The following SCN9A variants were observed in gnomAD, a reference collection of about 807,000 sequenced individuals.
The protein encoded by SCN9A is sodium channel protein type 9 subunit alpha.
In SCN9A, 131 loss-of-function variants were observed where a neutral mutation model predicts 187.0. The ratio of observed to expected loss-of-function variants is 0.70; its 90% confidence interval spans 0.61 to 0.81. The LOEUF (loss-of-function observed/expected upper bound fraction) is 0.81, where lower values mean the gene tolerates loss of function less well. SCN9A is among the 30% of genes least tolerant of loss of function. The probability of loss-of-function intolerance (pLI) is 0.00; values close to 1 mark genes in which losing one functional copy is unlikely to be tolerated. For synonymous variants in SCN9A, 809 were observed against 808.6 expected, an observed-to-expected ratio of 1.00 and a Z score of -0.01; for missense variants, 2,252 against 2,396.6, an observed-to-expected ratio of 0.94 and a Z score of 1.26.
chr2:166,228,682 G>T lies in SCN9A; in HGVS notation c.4206+9C>A. 6.2e-7 allele frequency: 1 copy of T among 1,602,358 alleles called. No individual in the cohort carries two copies. The highest frequency in any genetic ancestry group is 8.5e-7 in the Non-Finnish European group (1 of 1,172,760). On this transcript the variant is annotated intron_variant, in intron 22 of 26. Coordinates refer to ENST00000642356, the MANE Select transcript of SCN9A (RefSeq NM_001365536.1). ...AAAATACCAAGCACTCATGAAATGG[G>T]ACACTTACAACTTGAAGCAGAGATA...
Position 166,204,138 on chromosome 2 carries a change from T to C in SCN9A, c.4591A>G (p.Thr1531Ala). The C allele has an allele frequency of 6.2e-7, 1 of 1,612,656 alleles. No individual in the cohort carries two copies. The highest frequency in any genetic ancestry group is 1.1e-5 in the South Asian group (1 of 91,058). ...IMVLICLNMV[T>A]MMVEKEGQSQ... Reference sequence around the variant, plus strand: ...TGACCCTCCTTTTCTACCATCATGGTTACCATGTTGAGACAGATAAGAACC... The same window carrying C: ...TGACCCTCCTTTTCTACCATCATGGCTACCATGTTGAGACAGATAAGAACC... Residue 1531 changes from threonine (T) to alanine (A), a missense_variant, in exon 26 of 27, where the codon ACC becomes GCC. Thr to Ala is a moderately conservative substitution (Grantham distance 58). Transcript: ENST00000642356.
chr2:166,370,428 C>T (rs1178870006), intron 1 of SCN9A, among the ~76,000 whole-genome samples: 2 of 151,332 alleles, frequency 1.3e-5, no homozygotes, highest in African/African-American at 2.4e-5. Flanking sequence ...CCTGTAGTCC[C>T]AGCTACTCGG....
At chr2:166,232,841 T>C (rs1695145707) in intron 21 of SCN9A, among the ~76,000 whole-genome samples, 1 of 147,710 alleles carries the variant, frequency 6.8e-6, no homozygotes, top group Non-Finnish European at 1.5e-5. Context: ...ATTTTATATA[T>C]AGTCTTTCAT....
At chr2:166,373,813 A>T (rs532429751) in intron 1 of SCN9A, among the ~76,000 whole-genome samples, 64 of 152,312 alleles carry the variant, frequency 4.2e-4, no homozygotes, top group African/African-American at 1.5e-3. Context: ...TTAGAAAAGT[A>T]CCATATAAAT....
intron 5 of SCN9A, among the ~76,000 whole-genome samples, chr2:166,305,002 A>T (rs1039942180): frequency 1.3e-5 from 2 of 152,102 alleles, no homozygotes; most frequent in Admixed American, 6.6e-5. Context: ...CAGGTAGCAG[A>T]TGGAACTGCC....
chr2:166,303,352 G>A (rs145798468), intron 6 of SCN9A, 50 bp from the exon 7 acceptor site: 60 of 1,435,008 alleles, frequency 4.2e-5, no homozygotes, highest in Middle Eastern at 2.1e-4. Flanking sequence ...CCTCTGAATC[G>A]AAACAAAAAA....
intron 1 of SCN9A, among the ~76,000 whole-genome samples, chr2:166,356,095 C>T (rs1344469526): frequency 6.6e-6 from 1 of 152,072 alleles, no homozygotes; most frequent in Non-Finnish European, 1.5e-5. Context: ...CACACAGTCC[C>T]TGGAGTCTTG....
intron 4 of SCN9A, 139 bp from the exon 5 acceptor site, chr2:166,306,059 T>A: frequency 1.2e-6 from 1 of 851,226 alleles, no homozygotes; most frequent in Non-Finnish European, 1.8e-6. Flanking sequence ...CACACCCTAT[T>A]AAACTACAAT....
At chr2:166,332,692 T>G (rs1699534069) in intron 1 of SCN9A, among the ~76,000 whole-genome samples, 1 of 152,106 alleles carries the variant, frequency 6.6e-6, no homozygotes, top group Non-Finnish European at 1.5e-5. Context: ...TTCTGCAATA[T>G]CCACAGTCCA....
chr2:166,295,513 T>C (rs1698260476), intron 7 of SCN9A, among the ~76,000 whole-genome samples: 1 of 152,118 alleles, frequency 6.6e-6, no homozygotes, highest in African/African-American at 2.4e-5. Context: ...GCTACTGTAC[T>C]CAATATTGTA....
chr2:166,228,646 C>G, intron 22 of SCN9A, 45 bp downstream of exon 22: 1 of 1,445,260 alleles, frequency 6.9e-7, no homozygotes, highest in Non-Finnish European at 9.5e-7. Context: ...ATCCTTCGTC[C>G]AATATCTATT....
chr2:166,246,701 A>G lies in SCN9A; in HGVS notation c.3473-4045T>C, dbSNP rs914339625. Among the ~76,000 whole-genome samples the G allele has an allele frequency of 3.5e-4, 53 of 152,260 alleles. 1 individual carries two copies. The highest frequency in any genetic ancestry group is 1.2e-3 in the African/African-American group (50 of 41,576). On this transcript the variant is annotated intron_variant, in intron 18 of 26. Coordinates refer to ENST00000642356, the MANE Select transcript of SCN9A (RefSeq NM_001365536.1). ...GATAAGAAAATTATCCCTTTGGTTA[A>G]GAAGATTTTGCTCTCTGGGATTTAC... is the stretch of plus-strand genomic sequence containing the variant.
intron 1 of SCN9A, among the ~76,000 whole-genome samples, chr2:166,344,068 TAA>T (rs1320613135): frequency 6.6e-6 from 1 of 152,180 alleles, no homozygotes; most frequent in African/African-American, 2.4e-5. Flanking sequence ...GGAGAAATGC[TAA>T]GTCTTTTTAC....
chr2:166,365,732 A>C (rs1700398958), intron 1 of SCN9A, among the ~76,000 whole-genome samples: 1 of 152,172 alleles, frequency 6.6e-6, no homozygotes, highest in Non-Finnish European at 1.5e-5. Context: ...AAAATTTTTC[A>C]GACCACTTTA....
intron 1 of SCN9A, among the ~76,000 whole-genome samples, chr2:166,314,194 A>G (rs1336942897): frequency 2.0e-5 from 3 of 152,236 alleles, no homozygotes. Flanking sequence ...AAGTGAGCAC[A>G]TGCTGTTGAA....
intron 1 of SCN9A, among the ~76,000 whole-genome samples, chr2:166,338,547 C>T (rs1699686900): frequency 1.3e-5 from 2 of 152,000 alleles, no homozygotes; most frequent in African/African-American, 4.8e-5. Flanking sequence ...TAAATATTCC[C>T]TTGTACCCCC....
At chr2:166,331,822 CACTA>C (rs773161532) in intron 1 of SCN9A, among the ~76,000 whole-genome samples, 11 of 152,184 alleles carry the variant, frequency 7.2e-5, no homozygotes, top group Non-Finnish European at 1.5e-4. Context: ...TTTCATATTC[CACTA>C]ACTTTCCATC....
chr2:166,233,299 AT>A (rs1313761789), intron 21 of SCN9A, 40 bp downstream of exon 21: 2 of 1,381,902 alleles, frequency 1.4e-6, no homozygotes, highest in African/African-American at 3.0e-5. Context: ...TTTAAACCCC[AT>A]TAAAAAATAA....
chr2:166,321,603 A>G (rs988695766), intron 1 of SCN9A: 1 of 152,104 alleles, frequency 6.6e-6, no homozygotes, highest in Non-Finnish European at 1.5e-5. Flanking sequence ...TCAATTAAAG[A>G]AAGAAGAGTT....
Sources: gnomAD v4.1 joint callset for allele counts (sites outside exome capture counted in the v4.1 genomes callset) on GRCh38, gnomAD v4.1.1 for gene constraint, MANE v1.5 for transcripts, NCBI Gene and HGNC (gene_info 2026-07-23, HGNC 2026-07-21) for gene names.